The following CFAP95 variants were observed in gnomAD, a reference collection of about 807,000 sequenced individuals.
CFAP95 encodes the protein cilia and flagella associated protein 95.
chr9:69,898,241 C>G, the CFAP95 span, among the ~76,000 whole-genome samples: 2 of 152,128 alleles, frequency 1.3e-5, no homozygotes, highest in African/African-American at 2.4e-5. Flanking sequence ...TCTTCAGCCT[C>G]CCTCCCTCTT....
chr9:69,857,956 A>T, the CFAP95 span: 2 of 1,614,112 alleles, frequency 1.2e-6, no homozygotes, highest in Admixed American at 3.3e-5. Flanking sequence ...TTTCCTAGAC[A>T]TCCACCGGAT....
At chr9:69,855,005 A>C in the CFAP95 span, among the ~76,000 whole-genome samples, 3 of 152,146 alleles carry the variant, frequency 2.0e-5, no homozygotes, top group Non-Finnish European at 2.9e-5. Flanking sequence ...GATTTTCTTA[A>C]TGGTTCCCAC....
the CFAP95 span, among the ~76,000 whole-genome samples, chr9:69,825,510 T>C: frequency 6.6e-6 from 1 of 152,188 alleles, no homozygotes; most frequent in Non-Finnish European, 1.5e-5. Context: ...TCCTTGCAAC[T>C]GAAGTGGTCG....
At chr9:69,872,594 G>A in the CFAP95 span, among the ~76,000 whole-genome samples, 2 of 152,070 alleles carry the variant, frequency 1.3e-5, no homozygotes, top group African/African-American at 4.8e-5. Context: ...CAAGTGCTGG[G>A]CTTGGATCAG....
the CFAP95 span, among the ~76,000 whole-genome samples, chr9:69,854,791 G>A: frequency 6.6e-6 from 1 of 152,218 alleles, no homozygotes; most frequent in Non-Finnish European, 1.5e-5. Flanking sequence ...CTCCCTGTAG[G>A]ACCATGGTTT....
At chr9:69,903,144 A>G in the CFAP95 span, among the ~76,000 whole-genome samples, 1 of 152,202 alleles carries the variant, frequency 6.6e-6, no homozygotes, top group Non-Finnish European at 1.5e-5. Context: ...TGTGACTTTT[A>G]TGGTGTTGGT....
chr9:69,853,581 A>G, the CFAP95 span, among the ~76,000 whole-genome samples: 2 of 152,192 alleles, frequency 1.3e-5, no homozygotes, highest in Non-Finnish European at 1.5e-5. Flanking sequence ...ACAAAGCCCA[A>G]AAGACTTTTA....
At chr9:69,841,477 C>T in the CFAP95 span, among the ~76,000 whole-genome samples, 3 of 151,942 alleles carry the variant, frequency 2.0e-5, no homozygotes, top group African/African-American at 7.3e-5. Flanking sequence ...AGAGCCAAGC[C>T]ACCCTGTTCC....
At chr9:69,849,372 G>T in the CFAP95 span, among the ~76,000 whole-genome samples, 1 of 151,998 alleles carries the variant, frequency 6.6e-6, no homozygotes, top group Admixed American at 6.6e-5. Context: ...GGAGGAAGGG[G>T]AGGAGGGAGG....
the CFAP95 span, among the ~76,000 whole-genome samples, chr9:69,891,695 C>T: frequency 6.6e-6 from 1 of 152,040 alleles, no homozygotes; most frequent in Non-Finnish European, 1.5e-5. Context: ...TCTTTTTAGG[C>T]TATATTTCTC....
At chr9:69,889,505 C>T in the CFAP95 span, among the ~76,000 whole-genome samples, 4 of 152,186 alleles carry the variant, frequency 2.6e-5, no homozygotes, top group African/African-American at 9.7e-5. Flanking sequence ...CTCAGCTATG[C>T]AAAGACAGTT....
chr9:69,894,999 A>G, the CFAP95 span, among the ~76,000 whole-genome samples: 496 of 75,346 alleles, frequency 6.6e-3, no homozygotes, highest in African/African-American at 0.011. Context: ...TCAAAAAAAA[A>G]GAAAAAAAAA....
chr9:69,838,739 A>G, the CFAP95 span, among the ~76,000 whole-genome samples: 2 of 143,258 alleles, frequency 1.4e-5, no homozygotes, highest in Non-Finnish European at 3.1e-5. Context: ...TCTCCTGCCT[A>G]ATTGCCCTGG....
chr9:69,843,636 C>A, the CFAP95 span, among the ~76,000 whole-genome samples: 3 of 123,252 alleles, frequency 2.4e-5, no homozygotes, highest in South Asian at 5.7e-4. Flanking sequence ...TCTTCCTCCT[C>A]CTCCTCCTTC....
the CFAP95 span, chr9:69,844,653 A>T: frequency 6.6e-7 from 1 of 1,506,488 alleles, no homozygotes; most frequent in Admixed American, 1.8e-5. Flanking sequence ...CTTCGTTTGA[A>T]GTCTGAAATC....
chr9:69,876,360 C>T, the CFAP95 span, among the ~76,000 whole-genome samples: 1 of 151,914 alleles, frequency 6.6e-6, no homozygotes. Context: ...TGACAAAACC[C>T]CATCTCTACT....
chr9:69,841,300 A>C, the CFAP95 span, among the ~76,000 whole-genome samples: 1 of 151,180 alleles, frequency 6.6e-6, no homozygotes, highest in African/African-American at 2.4e-5. Context: ...ATATGCTGAA[A>C]TATCACTGGT....
the CFAP95 span, chr9:69,857,898 T>C: frequency 2.5e-6 from 4 of 1,611,654 alleles, no homozygotes; most frequent in East Asian, 4.5e-5. Flanking sequence ...AAAAATGTTA[T>C]CTTGTTTTAG....
the CFAP95 span, among the ~76,000 whole-genome samples, chr9:69,902,029 A>G: frequency 6.6e-6 from 1 of 152,100 alleles, no homozygotes; most frequent in African/African-American, 2.4e-5. Context: ...ATGGGAAAAA[A>G]TTTTTGCAAT....
Sources: allele counts gnomAD v4.1 joint callset (sites outside exome capture counted in the v4.1 genomes callset), GRCh38; gene constraint gnomAD v4.1.1; transcripts MANE v1.5; gene names NCBI Gene and HGNC (gene_info 2026-07-23, HGNC 2026-07-21).